CFAP97D2: variants seen among roughly 807,000 people sequenced by gnomAD.
CFAP97D2 encodes CFAP97 domain containing 2.
chr13:114,200,428 A>C (rs528926404), exon 3 of CFAP97D2: 2 of 398,450 alleles, frequency 5.0e-6, no homozygotes, highest in African/African-American at 4.1e-5. Flanking sequence ...AGCAAAAACA[A>C]CTCCAAGCAC....
intron 3 of CFAP97D2, among the ~76,000 whole-genome samples, chr13:114,206,378 C>G (rs1236927796): frequency 6.6e-6 from 1 of 152,238 alleles, no homozygotes; most frequent in Non-Finnish European, 1.5e-5. Flanking sequence ...GCTGGGATTA[C>G]AGGCGTGAGC....
chr13:114,181,430 G>T (rs935844888), intron 1 of CFAP97D2, among the ~76,000 whole-genome samples: 1 of 152,116 alleles, frequency 6.6e-6, no homozygotes, highest in African/African-American at 2.4e-5. Context: ...TCCCACGGGG[G>T]TAGGGCTCAT....
rs931470092 is a variant in CFAP97D2, at chr13:114,185,312, G to A, written c.90+5892G>A. Among the ~76,000 whole-genome samples the A allele has an allele frequency of 4.6e-5, 7 of 152,230 alleles. No individual in the cohort carries two copies. Among genetic ancestry groups the A allele is most frequent in the East Asian group, 1.9e-4 (1 of 5,198 alleles). ...AGAGCCGCTGTGATGGAGCCAGGCC[G>A]AGCTGCCTGCTGACGGGAGAGCAGT... On this transcript the variant is annotated intron_variant, in intron 1 of 4. Coordinates refer to ENST00000646158, the Ensembl canonical transcript of CFAP97D2. This position sits in a 1 kb window ranked among gnomAD's most constrained non-coding sequence, Gnocchi z 5.2.
At chr13:114,184,213 A>G (rs1255003770) in intron 1 of CFAP97D2, among the ~76,000 whole-genome samples, 1 of 152,242 alleles carries the variant, frequency 6.6e-6, no homozygotes, top group Non-Finnish European at 1.5e-5. Context: ...CGAAGTCTGA[A>G]TAAAGCAGAA....
chr13:114,189,095 A>C lies in CFAP97D2; in HGVS notation c.91-7301A>C, dbSNP rs1291663068. Among the ~76,000 whole-genome samples, 5 of 149,334 alleles carry C rather than the reference A, an allele frequency of 3.3e-5. No individual in the cohort carries two copies. The highest frequency in any genetic ancestry group is 3.3e-4 in the Admixed American group (5 of 14,942). ...ATAATAACTATGTTATAATATAACT[A>C]TATTAGTAATAATATTACTAATATT... On this transcript the variant is annotated intron_variant, in intron 1 of 4. Transcript: ENST00000646158. This position sits in a 1 kb window ranked among gnomAD's most constrained non-coding sequence, Gnocchi z 4.5.
At chr13:114,217,266 C>G (rs548530237) in intron 4 of CFAP97D2, among the ~76,000 whole-genome samples, 1 of 152,182 alleles carries the variant, frequency 6.6e-6, no homozygotes, top group African/African-American at 2.4e-5. Flanking sequence ...CGCAAATAAA[C>G]TAGAAAATCT....
intron 1 of CFAP97D2, among the ~76,000 whole-genome samples, chr13:114,184,520 A>C (rs1163714057): frequency 2.0e-5 from 3 of 152,234 alleles, no homozygotes; most frequent in Non-Finnish European, 4.4e-5. Context: ...AGAGGAACGA[A>C]GATGAGAATG....
In CFAP97D2 at chr13:114,189,412, G is replaced by T. The variant is rs1365554067; in HGVS notation, c.91-6984G>T. Among the ~76,000 whole-genome samples, 3 of 152,150 alleles carry T rather than the reference G, an allele frequency of 2.0e-5. No homozygotes were observed. The highest frequency in any genetic ancestry group is 7.2e-5 in the African/African-American group (3 of 41,442). On this transcript the variant is annotated intron_variant, in intron 1 of 4. Transcript: ENST00000646158. The surrounding 1 kb of genome is among the most constrained non-coding windows in gnomAD (Gnocchi z 4.5). ...CAAATTCTATTAAACATTTAAGGAA[G>T]AAATTTTACCTATTCTCTACAATCG...
chr13:114,216,086 C>A (rs2080992152), intron 4 of CFAP97D2, among the ~76,000 whole-genome samples: 1 of 152,174 alleles, frequency 6.6e-6, no homozygotes, highest in African/African-American at 2.4e-5. Flanking sequence ...CACTAGTGGA[C>A]TGAATTCGTG....
rs2080946218 is a variant in CFAP97D2 at position 114,207,456 on chromosome 13, T to C, written c.291-4456T>C. On this transcript the variant is annotated intron_variant, in intron 3 of 4. Coordinates refer to ENST00000646158, the Ensembl canonical transcript of CFAP97D2. The surrounding 1 kb of genome is among the most constrained non-coding windows in gnomAD (Gnocchi z 4.9). ...CCATCTAGGGATCGTGTGGAGACAG[T>C]GACAGATCATCAGGCATTAGATTTT... Among the ~76,000 whole-genome samples the C allele has an allele frequency of 6.6e-6, 1 of 151,732 alleles. No individual in the cohort carries two copies. Among genetic ancestry groups the C allele is most frequent in the South Asian group, 2.1e-4 (1 of 4,800 alleles).
At chr13:114,221,957 C>A (rs998148746) in intron 4 of CFAP97D2, among the ~76,000 whole-genome samples, 2 of 152,174 alleles carry the variant, frequency 1.3e-5, no homozygotes, top group African/African-American at 4.8e-5. Context: ...TGTAAACAAC[C>A]CAAATGTCTA....
At chr13:114,194,754 A>C (rs2080880042) in intron 1 of CFAP97D2, among the ~76,000 whole-genome samples, 1 of 152,216 alleles carries the variant, frequency 6.6e-6, no homozygotes, top group Non-Finnish European at 1.5e-5. Context: ...GTTTAAATTA[A>C]ACAAGAAGCA....
In CFAP97D2 at chr13:114,179,661, A is replaced by G. The variant is rs950554684; in HGVS notation, c.90+241A>G. ...TTTGAGATGACAGCTTTCATGTGCC[A>G]TGTTTTAGGGCCATCCTATTTCTAA... On this transcript the variant is annotated intron_variant, in intron 1 of 4. Transcript: ENST00000646158. This position sits in a 1 kb window ranked among gnomAD's most constrained non-coding sequence, Gnocchi z 4.8. 6.6e-6 allele frequency among the ~76,000 whole-genome samples: 1 copy of G among 150,840 alleles called. No individual in the cohort carries two copies. Among genetic ancestry groups the G allele is most frequent in the Non-Finnish European group, 1.5e-5 (1 of 67,802 alleles).
chr13:114,183,004 C>T (rs946156420), intron 1 of CFAP97D2, among the ~76,000 whole-genome samples: 1 of 152,146 alleles, frequency 6.6e-6, no homozygotes, highest in Non-Finnish European at 1.5e-5. Context: ...TCTCCAGAAA[C>T]TCCTTTTTCC....
rs2080946733 is a variant in CFAP97D2, at chr13:114,207,523, A to G, written c.291-4389A>G. ...CTTAGATCTCTCGAACGTGCAGTTC[A>G]CAATAGGGTTCACACTCCTATGACA... On this transcript the variant is annotated intron_variant, in intron 3 of 4. Transcript: ENST00000646158. The surrounding 1 kb of genome is among the most constrained non-coding windows in gnomAD (Gnocchi z 4.9). Among the ~76,000 whole-genome samples the G allele has an allele frequency of 6.6e-6, 1 of 152,190 alleles. No individual in the cohort carries two copies. Among genetic ancestry groups the G allele is most frequent in the Non-Finnish European group, 1.5e-5 (1 of 68,030 alleles).
intron 3 of CFAP97D2, among the ~76,000 whole-genome samples, chr13:114,206,423 T>C (rs1329327968): frequency 6.6e-6 from 1 of 152,152 alleles, no homozygotes; most frequent in Non-Finnish European, 1.5e-5. Flanking sequence ...TTTAAATAAA[T>C]GTTTCTTCTT....
At chr13:114,193,761 C>T (rs905496151) in intron 1 of CFAP97D2, among the ~76,000 whole-genome samples, 2 of 152,134 alleles carry the variant, frequency 1.3e-5, no homozygotes, top group Non-Finnish European at 2.9e-5. Context: ...ACTTATTTCT[C>T]GCAGTGCTGG....
rs536348675 is a variant in CFAP97D2, at chr13:114,204,457, A to G, written c.290+4014A>G. On this transcript the variant is annotated intron_variant, in intron 3 of 4. Transcript: ENST00000646158. ...AGGACTCCACACCTATTTCAAACTT[A>G]CTAAGAAAGCTATAGTAATCAAGAT... Among the ~76,000 whole-genome samples the G allele has an allele frequency of 3.3e-4, 50 of 152,322 alleles. 3 individuals are homozygous for G. The South Asian group carries it at 0.01, about 31-fold the overall frequency.
rs2080965815 is a variant in CFAP97D2, at chr13:114,211,350, T to C, written c.291-562T>C. On this transcript the variant is annotated intron_variant, in intron 3 of 4. Transcript: ENST00000646158. This position sits in a 1 kb window ranked among gnomAD's most constrained non-coding sequence, Gnocchi z 4.2. ...TCCAGCCCCAGCCTGTCCACAGGGG[T>C]CTTTCTCAAGTGCCTGCGGAGTCTG... Among the ~76,000 whole-genome samples, 1 of 151,760 alleles carries C rather than the reference T, an allele frequency of 6.6e-6. No homozygotes were observed. The highest frequency in any genetic ancestry group is 2.1e-4 in the South Asian group (1 of 4,810).
Sources: gnomAD v4.1 joint callset for allele counts (sites outside exome capture counted in the v4.1 genomes callset) on GRCh38, gnomAD v4.1.1 for gene constraint, Gnocchi (gnomAD v3.1) non-coding constraint, MANE v1.5 for transcripts, NCBI Gene and HGNC (gene_info 2026-07-23, HGNC 2026-07-21) for gene names.